Variants in TRIO observed in about 807,000 individuals in gnomAD.
TRIO encodes trio Rho guanine nucleotide exchange factor.
A neutral mutation model predicts 351.9 loss-of-function variants in TRIO; 58 were observed. The ratio of observed to expected loss-of-function variants is 0.16; its 90% CI spans 0.13 to 0.21. The LOEUF (loss-of-function observed/expected upper bound fraction) is 0.21, where lower values mean the gene tolerates loss of function less well. Among genes scored for constraint, TRIO ranks in the 10% least tolerant of loss-of-function variants. TRIO has a pLI of 1.00. For missense variants in TRIO, 3,201 were observed against 4,027.8 expected, an observed-to-expected ratio of 0.79 and a Z score of 5.56; for synonymous variants, 1,758 against 1,595.7, an observed-to-expected ratio of 1.10 and a Z score of -2.42.
intron 1 of TRIO, among the ~76,000 whole-genome samples, chr5:14,253,957 G>A (rs776635188): frequency 2.0e-5 from 3 of 151,948 alleles, no homozygotes; most frequent in African/African-American, 4.8e-5. Flanking sequence ...GTGAAACAGC[G>A]CTGGCCTTCT....
chr5:14,361,669 G>A (rs749063803), intron 13 of TRIO, among the ~76,000 whole-genome samples: 4 of 152,040 alleles, frequency 2.6e-5, no homozygotes, highest in Admixed American at 6.6e-5. Context: ...TTGGAGTAGC[G>A]TCTCCATCTC....
At chr5:14,342,945 C>T (rs1032398145) in intron 11 of TRIO, among the ~76,000 whole-genome samples, 4 of 152,128 alleles carry the variant, frequency 2.6e-5, no homozygotes, top group African/African-American at 9.7e-5. Flanking sequence ...ATAAGTCCAT[C>T]GTCAAGTTGA....
At chr5:14,379,466 G>A (rs1004587092) in intron 20 of TRIO, among the ~76,000 whole-genome samples, 1 of 152,170 alleles carries the variant, frequency 6.6e-6, no homozygotes, top group Non-Finnish European at 1.5e-5. Context: ...CAGGGATCTG[G>A]CGCCCCACCT....
intron 5 of TRIO, among the ~76,000 whole-genome samples, chr5:14,291,599 G>C (rs551634061): frequency 6.6e-6 from 1 of 151,706 alleles, no homozygotes; most frequent in Non-Finnish European, 1.5e-5. Context: ...GACCAGTCTG[G>C]CCAACATAGT....
chr5:14,288,980 G>A (rs1234942103), intron 4 of TRIO, among the ~76,000 whole-genome samples: 3 of 152,176 alleles, frequency 2.0e-5, no homozygotes, highest in Non-Finnish European at 4.4e-5. Flanking sequence ...AGTGGCTCAT[G>A]CCTGTAATCC....
intron 1 of TRIO, among the ~76,000 whole-genome samples, chr5:14,205,222 A>AGT (rs1411741665): frequency 6.6e-6 from 1 of 152,196 alleles, no homozygotes; most frequent in Non-Finnish European, 1.5e-5. Flanking sequence ...AGGGAGGTGG[A>AGT]GTTACTTAGC....
intron 34 of TRIO, among the ~76,000 whole-genome samples, chr5:14,446,353 C>G (rs1752439244): frequency 6.6e-6 from 1 of 152,216 alleles, no homozygotes; most frequent in African/African-American, 2.4e-5. Flanking sequence ...TGCTCCAGCC[C>G]TCTTTTCTTT....
chr5:14,239,200 A>G lies in TRIO; in HGVS notation c.158-31625A>G, dbSNP rs74430014. 5.5e-3 allele frequency among the ~76,000 whole-genome samples: 842 copies of G among 152,342 alleles called. 2 individuals are homozygous for G. The highest frequency in any genetic ancestry group is 0.01 in the Non-Finnish European group (681 of 68,030). The stretch of plus-strand genomic sequence containing the variant: ...AAGTGGTATTCTGACCTGTTATGCT[A>G]AAATACTTCTTTTTGATAGGAAGTC... On this transcript the variant is annotated intron_variant, in intron 1 of 56. Coordinates refer to ENST00000344204, the MANE Select transcript of TRIO (RefSeq NM_007118.4).
intron 21 of TRIO, among the ~76,000 whole-genome samples, chr5:14,382,895 G>A (rs1394704436): frequency 1.0e-4 from 15 of 147,016 alleles, no homozygotes; most frequent in Non-Finnish European, 1.0e-4. Context: ...CTGTTACCCA[G>A]GCTGGAATAC....
chr5:14,504,541 G>T lies in TRIO; in HGVS notation c.8560G>T (p.Gly2854Cys). 5.6e-6 allele frequency: 9 copies of T among 1,614,060 alleles called. No homozygotes were observed. The highest frequency in any genetic ancestry group is 7.6e-6 in the Non-Finnish European group (9 of 1,180,016). The change falls in exon 55 of 57, where the codon GGC becomes TGC. Residue 2854 changes from glycine to cysteine, a missense_variant. Gly to Cys is a radical substitution (Grantham distance 159). Around this residue, in one of 19 missense-constraint regions of TRIO, gnomAD observed 1,089 missense variants for 954.9 expected, o/e 1.14. Coordinates refer to ENST00000344204, the MANE Select transcript of TRIO (RefSeq NM_007118.4). ...LQSLQHPLLV[G>C]LLDTFETPTS... ...GAGCCTCCAGCACCCCCTGCTTGTC[G>T]GCCTCCTCGACACCTTTGAGACCCC...
At chr5:14,204,509 A>G (rs1037253246) in intron 1 of TRIO, among the ~76,000 whole-genome samples, 3 of 152,178 alleles carry the variant, frequency 2.0e-5, no homozygotes, top group African/African-American at 7.2e-5. Flanking sequence ...CTAACATTGT[A>G]TGGTCAGTGT....
chr5:14,403,700 GT>G, intron 31 of TRIO, among the ~76,000 whole-genome samples: 1 of 137,174 alleles, frequency 7.3e-6, no homozygotes, highest in Non-Finnish European at 1.6e-5. Context: ...GAGGGTGTAG[GT>G]TGTGGTGAGG....
At chr5:14,198,258 A>C (rs1226438220) in intron 1 of TRIO, among the ~76,000 whole-genome samples, 1 of 152,122 alleles carries the variant, frequency 6.6e-6, no homozygotes, top group African/African-American at 2.4e-5. Context: ...TTGTGATGTG[A>C]TGTTTTTCAC....
intron 37 of TRIO, among the ~76,000 whole-genome samples, chr5:14,467,362 TTA>T (rs1754335211): frequency 6.6e-6 from 1 of 152,166 alleles, no homozygotes; most frequent in African/African-American, 2.4e-5. Flanking sequence ...CAAATGGGAA[TTA>T]TATAAAGAAA....
chr5:14,378,850 G>A (rs1034448151), intron 20 of TRIO, among the ~76,000 whole-genome samples: 3 of 152,214 alleles, frequency 2.0e-5, no homozygotes, highest in African/African-American at 7.2e-5. Flanking sequence ...ATGAGCCACC[G>A]CACCTGGCCC....
At chr5:14,483,600 C>T (rs901232907) in intron 46 of TRIO, among the ~76,000 whole-genome samples, 3 of 152,320 alleles carry the variant, frequency 2.0e-5, no homozygotes, top group Non-Finnish European at 4.4e-5. Flanking sequence ...CCAGCAGCCT[C>T]CATTTGCCTA....
chr5:14,348,576 T>C (rs1022528483), intron 11 of TRIO, among the ~76,000 whole-genome samples: 5 of 152,270 alleles, frequency 3.3e-5, no homozygotes, highest in African/African-American at 1.2e-4. Flanking sequence ...TTTTCCTGCG[T>C]GTATATGCAT....
At chr5:14,333,827 A>G (rs1013013426) in intron 10 of TRIO, among the ~76,000 whole-genome samples, 66 of 152,192 alleles carry the variant, frequency 4.3e-4, no homozygotes, top group African/African-American at 1.5e-3. Flanking sequence ...GCCTGGCCTT[A>G]CCTTATTCCT....
intron 4 of TRIO, 38 bp from the exon 5 acceptor site, chr5:14,290,678 T>G (rs1736828931): frequency 6.5e-7 from 1 of 1,542,960 alleles, no homozygotes; most frequent in Non-Finnish European, 8.7e-7. Context: ...TATATAAAAT[T>G]GGTTCATCTT....
Sources: allele counts gnomAD v4.1 joint callset (sites outside exome capture counted in the v4.1 genomes callset), GRCh38; gene constraint gnomAD v4.1.1; regional missense constraint gnomAD v4.1.1; transcripts MANE v1.5; gene names NCBI Gene and HGNC (gene_info 2026-07-23, HGNC 2026-07-21).